The following MORC1 variants were observed in gnomAD, a reference collection of about 807,000 sequenced individuals.
MORC1 encodes the protein MORC family CW-type zinc finger protein 1.
Under a neutral mutation model 134.9 loss-of-function variants are expected in MORC1, and 59 were observed. The observed-to-expected ratio is 0.44, with a 90% CI of 0.35 to 0.54. The LOEUF (loss-of-function observed/expected upper bound fraction) is 0.54, where lower values mean the gene tolerates loss of function less well. MORC1 is among the 20% of genes least tolerant of loss of function. The pLI is 0.00. For missense variants in MORC1, 947 were observed against 1,134.5 expected (o/e 0.83, Z 2.37); for synonymous variants, 395 against 391.7 (o/e 1.01, Z -0.10).
At chr3:109,111,057 A>AAAAC (rs113511468) in intron 2 of MORC1, among the ~76,000 whole-genome samples, 10 of 151,028 alleles carry the variant, frequency 6.6e-5, no homozygotes, top group South Asian at 4.2e-4. Flanking sequence ...ATTTAAAAAA[A>AAAAC]AAAAAAAAAA....
Position 108,959,910 on chromosome 3 carries a change from G to A in MORC1, c.2800-790C>T, listed in dbSNP as rs1318760373. ...CAAGAACATACATCAAATTTATGGT[G>A]AGGCTTGGGTGGAAGAATGGTAAAA... On this transcript the variant is annotated intron_variant, in intron 27 of 27. Transcript: ENST00000232603. Among the ~76,000 whole-genome samples, 3 of 152,294 alleles carry A rather than the reference G, an allele frequency of 2.0e-5. No homozygotes were observed. The South Asian group carries it at 6.2e-4, about 32-fold the overall frequency.
chr3:108,992,742 G>C (rs1948098868), intron 21 of MORC1, among the ~76,000 whole-genome samples: 1 of 152,150 alleles, frequency 6.6e-6, no homozygotes, highest in Non-Finnish European at 1.5e-5. Context: ...CACACCTGCA[G>C]CTTCTCCAGT....
intron 18 of MORC1, 106 bp downstream of exon 18, chr3:109,006,923 C>T (rs1948553384): frequency 2.7e-6 from 2 of 735,568 alleles, no homozygotes; most frequent in Non-Finnish European, 4.2e-6. Flanking sequence ...TAGTGCTTCA[C>T]TATGTGAACC....
At chr3:108,960,265 T>C (rs1011915969) in intron 27 of MORC1, among the ~76,000 whole-genome samples, 1 of 152,228 alleles carries the variant, frequency 6.6e-6, no homozygotes. Context: ...AACACAATTC[T>C]GACTGAAAAA....
intron 17 of MORC1, among the ~76,000 whole-genome samples, chr3:109,017,988 GA>G (rs1233702567): frequency 6.6e-6 from 1 of 152,198 alleles, no homozygotes; most frequent in East Asian, 1.9e-4. Flanking sequence ...CAGGAATAAA[GA>G]AGTGAATATT....
chr3:109,092,167 C>G (rs4378972), intron 8 of MORC1, among the ~76,000 whole-genome samples: 1 of 152,168 alleles, frequency 6.6e-6, no homozygotes, highest in Non-Finnish European at 1.5e-5. Flanking sequence ...TTTCTGACAC[C>G]GGCATATTAA....
intron 14 of MORC1, among the ~76,000 whole-genome samples, chr3:109,052,324 G>A (rs1949848980): frequency 6.6e-6 from 1 of 152,058 alleles, no homozygotes; most frequent in Non-Finnish European, 1.5e-5. Context: ...AATTACATAG[G>A]TATACTCTTC....
chr3:109,113,128 G>A (rs1417405034), intron 2 of MORC1, among the ~76,000 whole-genome samples: 2 of 152,204 alleles, frequency 1.3e-5, no homozygotes, highest in African/African-American at 4.8e-5. Context: ...GTAGGAGGCA[G>A]GACCGATGAC....
chr3:109,048,120 T>C (rs1458883417), intron 14 of MORC1, among the ~76,000 whole-genome samples: 2 of 152,290 alleles, frequency 1.3e-5, no homozygotes, highest in East Asian at 3.9e-4. Flanking sequence ...GTGTGATAAC[T>C]ATAAGACAAC....
At chr3:109,018,442 T>C (rs1948869383) in intron 17 of MORC1, among the ~76,000 whole-genome samples, 1 of 151,914 alleles carries the variant, frequency 6.6e-6, no homozygotes, top group Non-Finnish European at 1.5e-5. Context: ...AAGACCAGAA[T>C]TGTAAAGCTG....
intron 5 of MORC1, 106 bp from the exon 6 acceptor site, chr3:109,099,572 ACT>A: frequency 2.5e-6 from 2 of 812,278 alleles, no homozygotes; most frequent in Non-Finnish European, 1.8e-6. Context: ...TCTTTCCAAC[ACT>A]CTGTTCTGCT....
chr3:109,047,737 A>G (rs930321739), intron 14 of MORC1, among the ~76,000 whole-genome samples: 21 of 152,190 alleles, frequency 1.4e-4, no homozygotes, highest in African/African-American at 4.8e-4. Context: ...CTTTTATCCA[A>G]AGCAATTCTT....
chr3:108,999,643 C>T (rs1454520754), intron 21 of MORC1, among the ~76,000 whole-genome samples: 1 of 152,104 alleles, frequency 6.6e-6, no homozygotes, highest in Non-Finnish European at 1.5e-5. Flanking sequence ...CCTAAAGACA[C>T]GTCCAAAGAG....
rs114853350 is a variant in MORC1, at chr3:109,006,304, G to C, written c.1767+725C>G. Among the ~76,000 whole-genome samples the C allele has an allele frequency of 5.1e-3, 779 of 152,212 alleles. 18 individuals carry two copies. The highest frequency in any genetic ancestry group is 0.018 in the African/African-American group (748 of 41,528). ...CTCCAACTTATTTCTGGGTTCATTGGTCTCTGATTCCTTGATATACTAGCA... is the reference window on the plus strand; with the variant it reads ...CTCCAACTTATTTCTGGGTTCATTGCTCTCTGATTCCTTGATATACTAGCA... On this transcript the variant is annotated intron_variant, in intron 18 of 27. Transcript: ENST00000232603.
chr3:108,993,404 G>A (rs1034015273), intron 21 of MORC1, among the ~76,000 whole-genome samples: 2 of 152,064 alleles, frequency 1.3e-5, no homozygotes, highest in African/African-American at 2.4e-5. Context: ...GTGTCTCTCC[G>A]TACGTTTGCT....
chr3:109,040,435 A>AG (rs1949498275), intron 14 of MORC1, among the ~76,000 whole-genome samples: 1 of 35,006 alleles, frequency 2.9e-5, no homozygotes, highest in African/African-American at 6.4e-5. Flanking sequence ...AAGGAAAGAA[A>AG]GAAAGAAAGA....
chr3:109,094,135 C>T (rs1308966525), intron 7 of MORC1, among the ~76,000 whole-genome samples: 3 of 152,054 alleles, frequency 2.0e-5, no homozygotes, highest in Non-Finnish European at 4.4e-5. Flanking sequence ...TGGTTGCGTT[C>T]CAATAAATCT....
rs375453104 is a variant in MORC1 at position 109,054,885 on chromosome 3, G to A, written c.1176-3C>T. 548 of 1,593,026 alleles carry A rather than the reference G, an allele frequency of 3.4e-4. No individual in the cohort carries two copies. The highest frequency in any genetic ancestry group is 4.1e-4 in the Non-Finnish European group (477 of 1,174,876). Reference sequence around the variant, plus strand: ...TTCCAACCACGCCTGCGCCAAGTCTGAGAAAATATATGCATATTTAAATTT... The same window carrying A: ...TTCCAACCACGCCTGCGCCAAGTCTAAGAAAATATATGCATATTTAAATTT... On this transcript the variant is annotated splice_region_variant and splice_polypyrimidine_tract_variant and intron_variant, in intron 13 of 27. Transcript: ENST00000232603.
intron 17 of MORC1, among the ~76,000 whole-genome samples, chr3:109,018,741 T>C (rs908846663): frequency 6.6e-6 from 1 of 152,182 alleles, no homozygotes; most frequent in East Asian, 1.9e-4. Flanking sequence ...TCCAGAAATA[T>C]CATGTTTATA....
Sources: gnomAD v4.1 joint callset for allele counts (sites outside exome capture counted in the v4.1 genomes callset) on GRCh38, gnomAD v4.1.1 for gene constraint, MANE v1.5 for transcripts, NCBI Gene and HGNC (gene_info 2026-07-23, HGNC 2026-07-21) for gene names.